The following USP39 variants were observed in gnomAD, a reference collection of about 807,000 sequenced individuals.
USP39 encodes the protein ubiquitin specific peptidase 39.
Under a neutral mutation model 66.4 loss-of-function variants are expected in USP39, and 38 were observed. That is an observed-to-expected ratio of 0.57 (90% CI 0.44 to 0.75). The LOEUF is 0.75. Ranked by LOEUF, USP39 falls within the 30% of genes least tolerant of loss-of-function variation. The pLI, the probability that USP39 is intolerant of heterozygous loss-of-function variation, is 0.00. For missense variants in USP39, 608 were observed against 714.4 expected (o/e 0.85, Z 1.70); for synonymous variants, 303 against 274.6 (o/e 1.10, Z -1.02).
intron 5 of USP39, among the ~76,000 whole-genome samples, chr2:85,630,318 C>T (rs1055145178): frequency 2.6e-5 from 4 of 152,198 alleles, no homozygotes; most frequent in African/African-American, 9.6e-5. Context: ...GTTATTTTTG[C>T]TTCAACCAAA....
rs563390269 is a variant in USP39, at chr2:85,647,900, G to C, written c.1564-30G>C. 41 of 1,612,442 alleles carry C rather than the reference G, an allele frequency of 2.5e-5. No individual in the cohort carries two copies. The African/African-American group carries it at 5.3e-4, about 21-fold the overall frequency. On this transcript the variant is annotated intron_variant, in intron 11 of 12. Transcript: ENST00000323701. ...TACACCCTTTTGGTTTTAGAGAGCA[G>C]ACTAACCCAGCTCTTCATACTTTCT... is the stretch of plus-strand genomic sequence containing the variant.
chr2:85,613,214 AAAAG>A (rs1033965194), upstream of USP39, among the ~76,000 whole-genome samples: 32 of 152,172 alleles, frequency 2.1e-4, no homozygotes, highest in African/African-American at 6.0e-4. Context: ...AATACATTAA[AAAAG>A]AAAGAAAGAG....
At chr2:85,623,891 C>A (rs1674649392) in intron 4 of USP39, 109 bp downstream of exon 4, 3 of 1,231,828 alleles carry the variant, frequency 2.4e-6, no homozygotes, top group Non-Finnish European at 2.2e-6. Flanking sequence ...TCCCTTTAGG[C>A]ATCGAGAGGC....
At chr2:85,611,057 C>G (rs1268758723), upstream of USP39, 3 of 186,910 alleles carry the variant, frequency 1.6e-5, no homozygotes, top group Admixed American at 1.8e-4. Flanking sequence ...CCGCGCCCAG[C>G]CGGGGAAACC....
intron 6 of USP39, among the ~76,000 whole-genome samples, chr2:85,635,604 T>G (rs897585304): frequency 6.6e-6 from 1 of 151,922 alleles, no homozygotes; most frequent in African/African-American, 2.4e-5. Flanking sequence ...GAGTGGCAGG[T>G]TCCGTAGACA....
chr2:85,630,738 T>A lies in USP39; in HGVS notation c.741T>A (p.Pro247=). Residue 247 remains proline (P), a synonymous_variant, in exon 6 of 13, where the codon CCT becomes CCA. Coordinates refer to ENST00000323701, the MANE Select transcript of USP39 (RefSeq NM_006590.4). The part of the protein sequence containing the change: ...NAVLQALSNV[P]PLRNYFLEED... ...ATTTTTAGGCTCTATCTAATGTTCC[T>A]CCTCTCCGGAACTACTTTCTGGAAG... The A allele has an allele frequency of 6.2e-7, 1 of 1,614,178 alleles. No individual in the cohort carries two copies. Among genetic ancestry groups the A allele is most frequent in the Admixed American group, 1.7e-5 (1 of 60,016 alleles).
In USP39 at chr2:85,625,473, T is replaced by G. The variant is rs150402838; in HGVS notation, c.571-66T>G. 179 of 1,592,546 alleles carry G rather than the reference T, an allele frequency of 1.1e-4. No individual in the cohort carries two copies. The African/African-American group carries it at 1.8e-3, about 16-fold the overall frequency. On this transcript the variant is annotated intron_variant, in intron 4 of 12. Coordinates refer to ENST00000323701, the MANE Select transcript of USP39 (RefSeq NM_006590.4). ...AAGTGTTTTTTGTTTTTGTAGAAAT[T>G]ACTGTTACAGACATTTCTTGTGAAC...
rs532287907 is a variant in USP39 at position 85,636,178 on chromosome 2, A to C, written c.1027+48A>C. 2.1e-4 allele frequency: 340 copies of C among 1,589,010 alleles called. 1 individual carries two copies. In the South Asian group the frequency reaches 3.5e-3, roughly 16 times the overall value. On this transcript the variant is annotated intron_variant, in intron 7 of 12. Coordinates refer to ENST00000323701, the MANE Select transcript of USP39 (RefSeq NM_006590.4). ...GGAGTTATTTTGTTCCCTTTTAAAA[A>C]ACTTTGCGGTCGGTCGCAATGGCTC...
upstream of USP39, chr2:85,612,194 C>T (rs1266926974): frequency 2.8e-6 from 3 of 1,058,132 alleles, no homozygotes; most frequent in Non-Finnish European, 4.1e-6. Context: ...CTTCCACCCC[C>T]CGGACGGAGG....
At chr2:85,613,100 C>T (rs1438333232), upstream of USP39, among the ~76,000 whole-genome samples, 1 of 151,894 alleles carries the variant, frequency 6.6e-6, no homozygotes. Flanking sequence ...TGGCTCATGT[C>T]TGTAATTCCA....
chr2:85,641,790 G>T (rs1377448986), intron 10 of USP39, among the ~76,000 whole-genome samples: 1 of 151,758 alleles, frequency 6.6e-6, no homozygotes, highest in Non-Finnish European at 1.5e-5. Context: ...TGCAGTCCTA[G>T]GTACTTGAGG....
chr2:85,615,965 G>A, upstream of USP39: 1 of 806,534 alleles, frequency 1.2e-6, no homozygotes, highest in Non-Finnish European at 1.5e-6. Context: ...CGCCAGTAAA[G>A]GTTCCCGTCT....
chr2:85,606,784 T>G (rs1028267813), intron 1 of USP39: 1 of 131,494 alleles, frequency 7.6e-6, no homozygotes, highest in Non-Finnish European at 1.7e-5. Context: ...TACCTCTTCC[T>G]TTTTTTTTTT....
rs1676052169 is a variant in USP39 at position 85,639,392 on chromosome 2, G to A, written c.1284+1G>A. 6.2e-7 allele frequency: 1 copy of A among 1,612,248 alleles called. No individual in the cohort carries two copies. The highest frequency in any genetic ancestry group is 8.5e-7 in the Non-Finnish European group (1 of 1,179,388). On this transcript the variant is annotated splice_donor_variant, in intron 9 of 12. Transcript: ENST00000323701. LOFTEE classifies it high-confidence loss of function. ...TAAGTTCAATGGCATCACTGAGAAG[G>A]TAGCCCATTAACACACCTGCCCTGC...
chr2:85,643,081 A>G (rs1187153663), intron 10 of USP39, among the ~76,000 whole-genome samples: 5 of 152,092 alleles, frequency 3.3e-5, no homozygotes, highest in Non-Finnish European at 7.4e-5. Context: ...TACTAAAAAA[A>G]AAAAAAAAAT....
At chr2:85,617,949 A>G (rs982690464) in intron 1 of USP39, among the ~76,000 whole-genome samples, 26 of 131,716 alleles carry the variant, frequency 2.0e-4, no homozygotes, top group East Asian at 7.2e-4. Flanking sequence ...ATAGATACAC[A>G]TGTACATTCT....
intron 2 of USP39, among the ~76,000 whole-genome samples, chr2:85,619,613 C>A (rs1228347991): frequency 1.3e-5 from 2 of 150,676 alleles, no homozygotes; most frequent in African/African-American, 2.4e-5. Context: ...AGAAAAAAAA[C>A]ACAGAAATTT....
At chr2:85,641,907 TA>T (rs759697072) in intron 10 of USP39, among the ~76,000 whole-genome samples, 10,841 of 90,786 alleles carry the variant, frequency 0.12, 1,165 homozygotes, top group East Asian at 0.35. Context: ...GTGACTGTGC[TA>T]AAAAAAAAAA....
chr2:85,642,219 G>T (rs1049246443), intron 10 of USP39, among the ~76,000 whole-genome samples: 1 of 152,138 alleles, frequency 6.6e-6, no homozygotes, highest in Non-Finnish European at 1.5e-5. Flanking sequence ...AATTACAGGG[G>T]AATTTCTTTT....
Sources: gnomAD v4.1 joint callset for allele counts (sites outside exome capture counted in the v4.1 genomes callset) on GRCh38, gnomAD v4.1.1 for gene constraint, MANE v1.5 for transcripts, NCBI Gene and HGNC (gene_info 2026-07-23, HGNC 2026-07-21) for gene names.